MAPT: variants seen among roughly 807,000 people sequenced by gnomAD.
MAPT encodes microtubule associated protein tau.
MAPT carries 34 observed loss-of-function variants against 67.9 expected under a neutral mutation model. That is an observed-to-expected ratio of 0.50 (90% CI 0.38 to 0.67). The LOEUF (loss-of-function observed/expected upper bound fraction) is 0.67. Among genes scored for constraint, MAPT ranks in the 30% least tolerant of loss-of-function variants. The probability of loss-of-function intolerance (pLI) is 0.00; values close to 1 mark genes in which losing one functional copy is unlikely to be tolerated. For missense variants in MAPT, 881 were observed against 1,115.2 expected (o/e 0.79, Z 2.99); for synonymous variants, 456 against 464.5 (o/e 0.98, Z 0.23).
intron 1 of MAPT, among the ~76,000 whole-genome samples, chr17:45,922,238 C>T (rs937586644): frequency 3.9e-5 from 6 of 152,066 alleles, no homozygotes; most frequent in Admixed American, 3.3e-4. Context: ...TGAGCCACCG[C>T]GGCCAGCCAT....
chr17:45,976,021 A>G (rs992825710), intron 3 of MAPT: 1 of 152,128 alleles, frequency 6.6e-6, no homozygotes, highest in African/African-American at 2.4e-5. Context: ...TGGCCATGTC[A>G]TCTCCTCGGC....
At chr17:45,929,199 T>C (rs1341971583) in intron 1 of MAPT, among the ~76,000 whole-genome samples, 1 of 152,264 alleles carries the variant, frequency 6.6e-6, no homozygotes, top group Non-Finnish European at 1.5e-5. Flanking sequence ...TCATATTTCA[T>C]GAAATTTCAT....
intron 1 of MAPT, among the ~76,000 whole-genome samples, chr17:45,912,402 C>T (rs1009017754): frequency 6.6e-6 from 1 of 152,172 alleles, no homozygotes. Context: ...CAGTCACACT[C>T]ATCCTTGTAA....
chr17:46,022,125 C>A (rs1418719579), intron 12 of MAPT, among the ~76,000 whole-genome samples: 2 of 152,160 alleles, frequency 1.3e-5, no homozygotes, highest in Admixed American at 6.5e-5. Context: ...GAGGCCAAGG[C>A]AGGCAGATCA....
At chr17:46,009,717 C>T (rs1381983076) in intron 9 of MAPT, among the ~76,000 whole-genome samples, 1 of 152,230 alleles carries the variant, frequency 6.6e-6, no homozygotes, top group Admixed American at 6.5e-5. Context: ...GGCTGTGTGT[C>T]AGAATCACCA....
At chr17:45,916,354 G>A (rs968815540) in intron 1 of MAPT, among the ~76,000 whole-genome samples, 2 of 152,234 alleles carry the variant, frequency 1.3e-5, no homozygotes, top group East Asian at 1.9e-4. Context: ...TGGAGCCCGA[G>A]CCTGCCCCGC....
intron 6 of MAPT, among the ~76,000 whole-genome samples, chr17:45,987,454 C>A (rs1157698035): frequency 1.6e-5 from 2 of 125,778 alleles, no homozygotes; most frequent in African/African-American, 2.6e-5. Context: ...ATGAAGCCAT[C>A]TTCTCACTGC....
At chr17:45,989,429 T>C (rs2073877015) in intron 6 of MAPT, among the ~76,000 whole-genome samples, 1 of 152,020 alleles carries the variant, frequency 6.6e-6, no homozygotes. Flanking sequence ...GACGGGTGGA[T>C]CACGAGGTCA....
chr17:45,962,174 G>A (rs1451738675), intron 1 of MAPT, 147 bp from the exon 2 acceptor site: 4 of 665,856 alleles, frequency 6.0e-6, no homozygotes, highest in Admixed American at 2.5e-5. Flanking sequence ...AGCACGGGAT[G>A]AGGATGGGCG....
At chr17:45,978,485 A>C in intron 4 of MAPT, 45 bp downstream of exon 4, 11 of 678,416 alleles carry the variant, frequency 1.6e-5, no homozygotes, top group Non-Finnish European at 2.7e-5. Flanking sequence ...GGTTGGGGGG[A>C]GGGACATGGG....
At chr17:45,964,392 C>A (rs567686211) in intron 2 of MAPT, among the ~76,000 whole-genome samples, 40 of 136,616 alleles carry the variant, frequency 2.9e-4, no homozygotes, top group African/African-American at 1.1e-3. Flanking sequence ...TTGAATCCTT[C>A]TTAGAGGCCG....
chr17:45,952,458 T>A (rs2069178083), intron 1 of MAPT, among the ~76,000 whole-genome samples: 2 of 152,156 alleles, frequency 1.3e-5, no homozygotes. Flanking sequence ...ATTTCTTCAT[T>A]GAAAAACCCA....
At chr17:45,944,446 G>T (rs1187026440) in intron 1 of MAPT, among the ~76,000 whole-genome samples, 1 of 152,210 alleles carries the variant, frequency 6.6e-6, no homozygotes, top group Non-Finnish European at 1.5e-5. Context: ...CAGGAGAGGG[G>T]TTGGGGGCGA....
intron 1 of MAPT, among the ~76,000 whole-genome samples, chr17:45,932,594 C>CAAAA (rs982542546): frequency 2.6e-4 from 13 of 49,956 alleles, no homozygotes; most frequent in East Asian, 1.3e-3. Flanking sequence ...GACTCCATCT[C>CAAAA]AAAAAAAAAA....
At chr17:45,981,752 A>C (rs2072971240) in intron 4 of MAPT, among the ~76,000 whole-genome samples, 1 of 152,114 alleles carries the variant, frequency 6.6e-6, no homozygotes, top group Non-Finnish European at 1.5e-5. Flanking sequence ...AGCAGAAGTC[A>C]AGTATGGTGG....
intron 12 of MAPT, among the ~76,000 whole-genome samples, chr17:46,023,391 A>G (rs947867664): frequency 6.6e-6 from 1 of 152,210 alleles, no homozygotes; most frequent in Non-Finnish European, 1.5e-5. Context: ...CTGTGTATCT[A>G]TACACTCACA....
intron 2 of MAPT, among the ~76,000 whole-genome samples, chr17:45,968,969 G>A (rs983730304): frequency 1.3e-5 from 2 of 152,228 alleles, no homozygotes; most frequent in Non-Finnish European, 2.9e-5. Context: ...GCAGAGAGAG[G>A]TTAGGTAATT....
In MAPT at chr17:45,896,022, G is replaced by A. The variant is rs566882412; in HGVS notation, c.-18+1336G>A. On this transcript the variant is annotated intron_variant, in intron 1 of 12. Transcript: ENST00000262410. The surrounding 1 kb of genome is among the most constrained non-coding windows in gnomAD (Gnocchi z 5.6). ...TCTGCGCTCCCAGCCCTGGTTTCTG[G>A]CTTTTATTCTGAGGGTGTTCAGTCA... The A allele has an allele frequency of 7.9e-5, 12 of 152,470 alleles. 1 individual carries two copies. In the South Asian group the frequency reaches 2.5e-3, roughly 32 times the overall value. 9.4% of individuals were successfully genotyped at this position (152,470 alleles called of 1,614,324 possible). A position where few individuals can be genotyped will look rare whatever the true frequency, so the allele number is the denominator to read the frequency against.
rs1290655324 is a variant in MAPT at position 45,958,759 on chromosome 17, C to T, written c.-17-3562C>T. 2.0e-5 allele frequency among the ~76,000 whole-genome samples: 3 copies of T among 151,488 alleles called. No homozygotes were observed. The East Asian group carries it at 5.8e-4, about 29-fold the overall frequency. On this transcript the variant is annotated intron_variant, in intron 1 of 12. Transcript: ENST00000262410. ...AAAAAAAGAGGAGAAAAATGCTGATCTCACTAGTAATTAAAACATCAGGCC... is the reference window on the plus strand; with the variant it reads ...AAAAAAAGAGGAGAAAAATGCTGATTTCACTAGTAATTAAAACATCAGGCC...
Sources: gnomAD v4.1 joint callset for allele counts (sites outside exome capture counted in the v4.1 genomes callset) on GRCh38, gnomAD v4.1.1 for gene constraint, Gnocchi (gnomAD v3.1) non-coding constraint, MANE v1.5 for transcripts, NCBI Gene and HGNC (gene_info 2026-07-23, HGNC 2026-07-21) for gene names.